Variants in APCDD1L observed in about 807,000 individuals in gnomAD.
APCDD1L encodes protein APCDD1-like.
APCDD1L carries 21 observed loss-of-function variants against 24.2 expected under a neutral mutation model. That is an observed-to-expected ratio of 0.87 (90% CI 0.61 to 1.25). The LOEUF (loss-of-function observed/expected upper bound fraction) is 1.25. Among genes scored for constraint, APCDD1L ranks in the 50% most tolerant of loss-of-function variants. The pLI, the probability that APCDD1L is intolerant of heterozygous loss-of-function variation, is 0.00. For synonymous variants in APCDD1L, 321 were observed against 323.6 expected (o/e 0.99, Z 0.09); for missense variants, 704 against 711.7 (o/e 0.99, Z 0.12).
Position 58,514,873 on chromosome 20 carries a change from T to G in APCDD1L, c.-166A>C. ...CCTCGGCGCTCACACGCGCTCAGCC[T>G]TCCCGGCTGTTGATAGTTGTAAGCG... is the stretch of plus-strand genomic sequence containing the variant. On this transcript the variant is annotated 5_prime_UTR_variant, in exon 1 of 4. Coordinates refer to ENST00000371149, the MANE Select transcript of APCDD1L (RefSeq NM_153360.3). 1 of 439,424 alleles carries G rather than the reference T, an allele frequency of 2.3e-6. No individual in the cohort carries two copies. The highest frequency in any genetic ancestry group is 3.8e-6 in the Non-Finnish European group (1 of 265,184). 27.2% of individuals were successfully genotyped at this position (439,424 alleles called of 1,614,324 possible).
intron 1 of APCDD1L, among the ~76,000 whole-genome samples, chr20:58,475,182 G>C (rs1248484231): frequency 3.3e-5 from 5 of 152,244 alleles, no homozygotes; most frequent in Non-Finnish European, 7.3e-5. Context: ...AGTCAGAGCA[G>C]AGGGAGAAAT....
intron 1 of APCDD1L, among the ~76,000 whole-genome samples, chr20:58,471,435 G>A (rs1219920625): frequency 6.6e-6 from 1 of 152,244 alleles, no homozygotes; most frequent in Non-Finnish European, 1.5e-5. Context: ...CCTTCTTCAG[G>A]GCTCCGTCCC....
intron 1 of APCDD1L, among the ~76,000 whole-genome samples, chr20:58,490,974 A>C (rs948416730): frequency 7.2e-5 from 11 of 152,270 alleles, no homozygotes; most frequent in African/African-American, 1.9e-4. Flanking sequence ...CAACTCATTA[A>C]CATTAGAAAA....
chr20:58,490,943 G>T (rs1490929440), intron 1 of APCDD1L, among the ~76,000 whole-genome samples: 1 of 152,202 alleles, frequency 6.6e-6, no homozygotes, highest in Non-Finnish European at 1.5e-5. Flanking sequence ...TTATGTCCAT[G>T]TTGGGTCTAT....
At chr20:58,496,968 C>T (rs1990334790) in intron 1 of APCDD1L, among the ~76,000 whole-genome samples, 2 of 152,192 alleles carry the variant, frequency 1.3e-5, no homozygotes, top group Admixed American at 1.3e-4. Flanking sequence ...ACAAGTAACT[C>T]AAACTATGTA....
chr20:58,490,767 G>A (rs1990210746), intron 1 of APCDD1L, among the ~76,000 whole-genome samples: 1 of 152,182 alleles, frequency 6.6e-6, no homozygotes, highest in East Asian at 1.9e-4. Flanking sequence ...CCGGGTTTTG[G>A]AAAGCACTCT....
At chr20:58,480,587 G>A (rs1990005535) in intron 1 of APCDD1L, among the ~76,000 whole-genome samples, 1 of 152,162 alleles carries the variant, frequency 6.6e-6, no homozygotes. Flanking sequence ...ATGAGGAAGC[G>A]GCTGGCCACT....
At chr20:58,470,920 T>C (rs1486353313) in intron 1 of APCDD1L, among the ~76,000 whole-genome samples, 173 bp from the exon 2 acceptor site, 2 of 152,188 alleles carry the variant, frequency 1.3e-5, no homozygotes, top group South Asian at 2.1e-4. Flanking sequence ...GGGTTCCCCA[T>C]ATTGAGGATC....
rs1174702869 is a variant in APCDD1L, at chr20:58,459,799, T to C, written c.*991A>G. On this transcript the variant is annotated 3_prime_UTR_variant, in exon 4 of 4. Transcript: ENST00000371149. Reference sequence around the variant, plus strand: ...CCTCTCCCTAGGGTGGGCCCAAAGATACACATTCGGAGATTCTCTTCCTTT... The same window carrying C: ...CCTCTCCCTAGGGTGGGCCCAAAGACACACATTCGGAGATTCTCTTCCTTT... 6.5e-6 allele frequency: 1 copy of C among 152,694 alleles called. No individual in the cohort carries two copies. Among genetic ancestry groups the C allele is most frequent in the Non-Finnish European group, 1.5e-5 (1 of 68,064 alleles). The allele number at this position is 152,694 out of a possible 1,614,324, so 9.5% of individuals were successfully genotyped here. A position where few individuals can be genotyped will look rare whatever the true frequency, so the allele number is the denominator to read the frequency against.
rs576885400 is a variant in APCDD1L, at chr20:58,461,467, G to GCAGGGC, written c.823_828dup (p.Ala275_Leu276dup). ...ACCCACCAGCCGCCCAGGTGCAGGG[G>GCAGGGC]CAGGGCCAGAGGGGGCGGCAGCACG... On this transcript the variant is annotated inframe_insertion, in exon 4 of 4. Transcript: ENST00000371149. This position sits in a 1 kb window ranked among gnomAD's most constrained non-coding sequence, Gnocchi z 6.0. 3.2e-4 allele frequency: 481 copies of GCAGGGC among 1,491,108 alleles called. 2 individuals are homozygous for GCAGGGC. In the African/African-American group the frequency reaches 6.3e-3, roughly 19 times the overall value. 92.4% of individuals were successfully genotyped at this position (1,491,108 alleles called of 1,614,324 possible). A position where few individuals can be genotyped will look rare whatever the true frequency, so the allele number is the denominator to read the frequency against.
At chr20:58,470,777 C>T in intron 1 of APCDD1L, 30 bp from the exon 2 acceptor site, 1 of 1,511,238 alleles carries the variant, frequency 6.6e-7, no homozygotes, top group Non-Finnish European at 8.8e-7. Flanking sequence ...GGGTAAGACC[C>T]CAGCATGCCC....
At chr20:58,504,847 G>T (rs983409532) in intron 1 of APCDD1L, among the ~76,000 whole-genome samples, 3 of 152,204 alleles carry the variant, frequency 2.0e-5, no homozygotes, top group African/African-American at 7.2e-5. Context: ...CCCCAGTTCT[G>T]TAGGTGATCC....
At chr20:58,511,464 T>C (rs1363440992) in intron 1 of APCDD1L, among the ~76,000 whole-genome samples, 1 of 152,242 alleles carries the variant, frequency 6.6e-6, no homozygotes, top group African/African-American at 2.4e-5. Flanking sequence ...TGCAAAAATA[T>C]TTCTTCACGT....
chr20:58,477,269 A>G (rs1015599236), intron 1 of APCDD1L, among the ~76,000 whole-genome samples: 16 of 152,202 alleles, frequency 1.1e-4, no homozygotes, highest in Admixed American at 6.5e-4. Context: ...CTGGTCCAGC[A>G]TCCAGTCCAG....
In APCDD1L at chr20:58,467,367, C is replaced by T; in HGVS notation, c.480G>A (p.Arg160=). The change falls in exon 3 of 4, where the codon CGG becomes CGA. Residue 160 remains arginine (R), a synonymous_variant. Transcript: ENST00000371149. The surrounding 1 kb of genome is among the most constrained non-coding windows in gnomAD (Gnocchi z 5.9). The stretch of plus-strand genomic sequence containing the variant: ...GCCAGGCCCGGGCCGGAGGCAGCCG[C>T]CGCGCGCAGTCCCGGCCGGCGCGGG... ...NQTRAGRDCA[R]RLPPARAWLP... 1 of 1,477,064 alleles carries T rather than the reference C, an allele frequency of 6.8e-7. No homozygotes were observed. Among genetic ancestry groups the T allele is most frequent in the Non-Finnish European group, 8.9e-7 (1 of 1,122,348 alleles). 91.5% of individuals were successfully genotyped at this position (1,477,064 alleles called of 1,614,324 possible).
At position 58,467,634 on chromosome 20, in the gene APCDD1L, C is replaced by A. The variant is rs774727832; in HGVS notation, c.213G>T (p.Glu71Asp). 6.6e-7 allele frequency: 1 copy of A among 1,515,930 alleles called. No individual in the cohort carries two copies. Among genetic ancestry groups the A allele is most frequent in the Admixed American group, 2.0e-5 (1 of 49,822 alleles). 93.9% of individuals were successfully genotyped at this position (1,515,930 alleles called of 1,614,324 possible). A position where few individuals can be genotyped will look rare whatever the true frequency, so the allele number is the denominator to read the frequency against. The stretch of plus-strand genomic sequence containing the variant: ...AGAAGGTGTAGGCGCGGGTCAGGAA[C>A]TCCGGTCCTGGGCGCACCTCGCAGC... The part of the protein sequence containing the change: ...STGCEVRPGP[E>D]FLTRAYTFYP... Residue 71 changes from glutamate to aspartate, a missense_variant, in exon 3 of 4, where the codon GAG becomes GAT. Physicochemically the swap from Glu to Asp is conservative, Grantham distance 45. Transcript: ENST00000371149. This position sits in a 1 kb window ranked among gnomAD's most constrained non-coding sequence, Gnocchi z 5.9.
intron 1 of APCDD1L, among the ~76,000 whole-genome samples, chr20:58,498,741 G>A (rs2123181892): frequency 6.6e-6 from 1 of 152,350 alleles, no homozygotes; most frequent in East Asian, 1.9e-4. Flanking sequence ...CGGGTGCTGA[G>A]CTAGAGCCAT....
Position 58,467,619 on chromosome 20 carries a change from G to A in APCDD1L, c.228C>T (p.Ala76=). The A allele has an allele frequency of 6.5e-7, 1 of 1,529,964 alleles. No homozygotes were observed. The highest frequency in any genetic ancestry group is 8.8e-7 in the Non-Finnish European group (1 of 1,134,158). 94.8% of individuals were successfully genotyped at this position (1,529,964 alleles called of 1,614,324 possible). A position where few individuals can be genotyped will look rare whatever the true frequency, so the allele number is the denominator to read the frequency against. The change falls in exon 3 of 4, where the codon GCC becomes GCT. Residue 76 remains alanine, a synonymous_variant. Transcript: ENST00000371149. The surrounding 1 kb of genome is among the most constrained non-coding windows in gnomAD (Gnocchi z 5.9). The part of the protein sequence containing the change: ...VRPGPEFLTR[A]YTFYPSRLFR... ...AGAGCCGGCTGGGGTAGAAGGTGTA[G>A]GCGCGGGTCAGGAACTCCGGTCCTG...
At position 58,497,452 on chromosome 20, in the gene APCDD1L, T is replaced by C. The variant is rs1196603931; in HGVS notation, c.49+17207A>G. 6.6e-6 allele frequency among the ~76,000 whole-genome samples: 1 copy of C among 152,128 alleles called. No homozygotes were observed. The highest frequency in any genetic ancestry group is 1.9e-4 in the East Asian group (1 of 5,182). Reference sequence around the variant, plus strand: ...CTCATCCTGCTGGAGGCCATGAGTCTGGGCTCATGAGTCTGGGCTCAAGGT... The same window carrying C: ...CTCATCCTGCTGGAGGCCATGAGTCCGGGCTCATGAGTCTGGGCTCAAGGT... On this transcript the variant is annotated intron_variant, in intron 1 of 3. Coordinates refer to ENST00000371149, the MANE Select transcript of APCDD1L (RefSeq NM_153360.3). This position sits in a 1 kb window ranked among gnomAD's most constrained non-coding sequence, Gnocchi z 4.3.
Sources: allele counts gnomAD v4.1 joint callset (sites outside exome capture counted in the v4.1 genomes callset), GRCh38; gene constraint gnomAD v4.1.1; non-coding constraint Gnocchi (gnomAD v3.1); transcripts MANE v1.5; gene names NCBI Gene and HGNC (gene_info 2026-07-23, HGNC 2026-07-21).